The following NFIA variants were observed in gnomAD, a reference collection of about 807,000 sequenced individuals.
NFIA encodes the protein nuclear factor 1 A-type.
Under a neutral mutation model 62.8 loss-of-function variants are expected in NFIA, and 8 were observed. The observed-to-expected ratio is 0.13, with a 90% CI of 0.07 to 0.23. The LOEUF (loss-of-function observed/expected upper bound fraction) is 0.23. Among genes scored for constraint, NFIA ranks in the 10% least tolerant of loss-of-function variants. The pLI is 1.00. For synonymous variants in NFIA, 235 were observed against 238.1 expected (o/e 0.99, Z 0.12); for missense variants, 410 against 642.1 (o/e 0.64, Z 3.91).
At chr1:61,415,963 T>G (rs1666330257) in intron 9 of NFIA, among the ~76,000 whole-genome samples, 1 of 152,104 alleles carries the variant, frequency 6.6e-6, no homozygotes, top group African/African-American at 2.4e-5. Flanking sequence ...CATTAGGAGC[T>G]CTTTAAAAAT....
chr1:61,096,395 G>T (rs1330423726), intron 2 of NFIA, among the ~76,000 whole-genome samples: 1 of 151,776 alleles, frequency 6.6e-6, no homozygotes, highest in Non-Finnish European at 1.5e-5. Context: ...GTAGAGACAG[G>T]GTTTCTCCAT....
chr1:61,372,478 C>T (rs1233194123), intron 6 of NFIA, among the ~76,000 whole-genome samples: 1 of 151,634 alleles, frequency 6.6e-6, no homozygotes, highest in African/African-American at 2.4e-5. Flanking sequence ...AAGTATTTAA[C>T]ATAATTAGAC....
chr1:61,083,414 T>C (rs1465561363), intron 1 of NFIA, among the ~76,000 whole-genome samples: 1 of 152,080 alleles, frequency 6.6e-6, no homozygotes, highest in Non-Finnish European at 1.5e-5. Context: ...TTTTGTTTAT[T>C]GTTTGTCAGC....
intron 2 of NFIA, among the ~76,000 whole-genome samples, chr1:61,225,115 T>C (rs538918025): frequency 6.6e-6 from 1 of 152,160 alleles, no homozygotes; most frequent in South Asian, 2.1e-4. Flanking sequence ...AATGTGTTTC[T>C]ATCACTTATA....
At chr1:61,274,453 C>G (rs767754429) in intron 2 of NFIA, among the ~76,000 whole-genome samples, 2 of 152,182 alleles carry the variant, frequency 1.3e-5, no homozygotes, top group African/African-American at 2.4e-5. Flanking sequence ...AAGTAAAATT[C>G]TCTTCATTGT....
intron 2 of NFIA, among the ~76,000 whole-genome samples, chr1:61,202,943 A>G (rs1652609107): frequency 6.6e-6 from 1 of 152,220 alleles, no homozygotes; most frequent in Non-Finnish European, 1.5e-5. Flanking sequence ...GAAACTGCAC[A>G]TTTGTGCATT....
chr1:61,311,482 T>C (rs976596210), intron 3 of NFIA, among the ~76,000 whole-genome samples: 3 of 152,180 alleles, frequency 2.0e-5, no homozygotes, highest in African/African-American at 7.2e-5. Flanking sequence ...CATTGACATT[T>C]TGGGCAGGAT....
At chr1:61,234,444 A>T (rs536703351) in intron 2 of NFIA, among the ~76,000 whole-genome samples, 1 of 151,552 alleles carries the variant, frequency 6.6e-6, no homozygotes, top group East Asian at 1.9e-4. Context: ...TGATGCTGAT[A>T]ATCCTTGCGT....
intron 2 of NFIA, among the ~76,000 whole-genome samples, chr1:61,232,853 C>T (rs1338318112): frequency 2.6e-5 from 4 of 152,088 alleles, no homozygotes; most frequent in East Asian, 3.8e-4. Context: ...TGGGTACTTA[C>T]GTCACCCCAA....
intron 2 of NFIA, among the ~76,000 whole-genome samples, chr1:61,200,815 C>T (rs1652429570): frequency 6.6e-6 from 1 of 152,110 alleles, no homozygotes; most frequent in African/African-American, 2.4e-5. Context: ...GTGTATAATG[C>T]TAATAATATT....
At chr1:61,318,885 TAGTTAGCAAAATCCAGAGCTAAAAG>T (rs1358125838) in intron 3 of NFIA, among the ~76,000 whole-genome samples, 2 of 152,032 alleles carry the variant, frequency 1.3e-5, no homozygotes, top group Non-Finnish European at 2.9e-5. Flanking sequence ...GAAACTAGAG[TAGTTAGCAAAATCCAGAGCTAAAAG>T]AGTTAGCAAA....
At chr1:61,122,749 G>T (rs755382410) in intron 2 of NFIA, among the ~76,000 whole-genome samples, 6 of 152,090 alleles carry the variant, frequency 3.9e-5, no homozygotes, top group Non-Finnish European at 2.9e-5. Context: ...CAGATGAGCT[G>T]CTCATTTCTT....
chr1:61,419,615 A>G (rs746632907), intron 9 of NFIA, among the ~76,000 whole-genome samples: 1 of 151,978 alleles, frequency 6.6e-6, no homozygotes, highest in Non-Finnish European at 1.5e-5. Flanking sequence ...TATACTTTTT[A>G]CCCCAAATTC....
chr1:61,088,792 T>G lies in NFIA; in HGVS notation c.559+112T>G. 2 of 1,241,290 alleles carry G rather than the reference T, an allele frequency of 1.6e-6. No individual in the cohort carries two copies. Among genetic ancestry groups the G allele is most frequent in the Non-Finnish European group, 2.2e-6 (2 of 900,152 alleles). The allele number at this position is 1,241,290 out of a possible 1,614,324, so 76.9% of individuals were successfully genotyped here. ...CTCCCCAAGTTGCAGGCCACGTACA[T>G]GAAGCCAGTGTGGTTTCAAAGATTG... On this transcript the variant is annotated intron_variant, in intron 2 of 10. Transcript: ENST00000403491. This position sits in a 1 kb window ranked among gnomAD's most constrained non-coding sequence, Gnocchi z 4.5.
intron 6 of NFIA, among the ~76,000 whole-genome samples, chr1:61,367,676 A>G (rs1663663584): frequency 6.6e-6 from 1 of 152,132 alleles, no homozygotes; most frequent in Non-Finnish European, 1.5e-5. Flanking sequence ...CCCTTCAAAA[A>G]TCCCTTGCCT....
At position 61,088,244 on chromosome 1, in the gene NFIA, C is replaced by A. The variant is rs12044248; in HGVS notation, c.123C>A (p.Phe41Leu). Reference sequence around the variant, plus strand: ...TGCAGGCCCGAAAACGAAAATACTTCAAAAAACATGAAAAGCGTATGTCAA... The same window carrying A: ...TGCAGGCCCGAAAACGAAAATACTTAAAAAAACATGAAAAGCGTATGTCAA... ...FNLQARKRKY[F>L]KKHEKRMSKE... Residue 41 changes from phenylalanine (F) to leucine (L), a missense_variant, in exon 2 of 11, where the codon TTC (phenylalanine) becomes TTA (leucine). Phe to Leu is a conservative substitution (Grantham distance 22, BLOSUM62 0). Coordinates refer to ENST00000403491, the MANE Select transcript of NFIA (RefSeq NM_001134673.4). This position sits in a 1 kb window ranked among gnomAD's most constrained non-coding sequence, Gnocchi z 4.5. 6.2e-7 allele frequency: 1 copy of A among 1,613,398 alleles called. No homozygotes were observed. Among genetic ancestry groups the A allele is most frequent in the Non-Finnish European group, 8.5e-7 (1 of 1,179,874 alleles).
Position 61,088,056 on chromosome 1 carries a change from G to A in NFIA, c.28-93G>A, listed in dbSNP as rs1646250358. 3 of 1,272,922 alleles carry A rather than the reference G, an allele frequency of 2.4e-6. No individual in the cohort carries two copies. The highest frequency in any genetic ancestry group is 3.3e-6 in the Non-Finnish European group (3 of 919,964). The allele number at this position is 1,272,922 out of a possible 1,614,324, so 78.9% of individuals were successfully genotyped here. On this transcript the variant is annotated intron_variant, in intron 1 of 10. Transcript: ENST00000403491. The surrounding 1 kb of genome is among the most constrained non-coding windows in gnomAD (Gnocchi z 4.5). ...GCTCTAATCAAATTTCAAGTGAAAT[G>A]AGGAATTTCTTTCTTAAGGTGACCC...
At chr1:61,103,830 AGT>A (rs1646552091) in intron 2 of NFIA, among the ~76,000 whole-genome samples, 1 of 152,166 alleles carries the variant, frequency 6.6e-6, no homozygotes, top group Non-Finnish European at 1.5e-5. Flanking sequence ...CCAAATCCAT[AGT>A]TTCATATTAA....
At chr1:61,095,382 T>C (rs1646393031) in intron 2 of NFIA, among the ~76,000 whole-genome samples, 1 of 152,192 alleles carries the variant, frequency 6.6e-6, no homozygotes, top group Non-Finnish European at 1.5e-5. Flanking sequence ...CTCTTCAGAG[T>C]GGCCAGGTTA....
Sources: allele counts gnomAD v4.1 joint callset (sites outside exome capture counted in the v4.1 genomes callset), GRCh38; gene constraint gnomAD v4.1.1; non-coding constraint Gnocchi (gnomAD v3.1); transcripts MANE v1.5; gene names NCBI Gene and HGNC (gene_info 2026-07-23, HGNC 2026-07-21).